MAGI1: variants seen among roughly 807,000 people sequenced by gnomAD.
The protein encoded by MAGI1 is membrane associated guanylate kinase, WW and PDZ domain containing 1.
MAGI1 carries 58 observed loss-of-function variants against 139.9 expected under a neutral mutation model. The observed-to-expected ratio is 0.41, with a 90% CI of 0.34 to 0.52. The LOEUF (loss-of-function observed/expected upper bound fraction) is 0.52, where lower values mean the gene tolerates loss of function less well. Among genes scored for constraint, MAGI1 ranks in the 20% least tolerant of loss-of-function variants. The pLI is 0.12. For missense variants in MAGI1, 1,874 were observed against 1,901.6 expected (o/e 0.99, Z 0.27); for synonymous variants, 812 against 737.9 (o/e 1.10, Z -1.63).
At chr3:65,696,342 C>A (rs891104055) in intron 1 of MAGI1, among the ~76,000 whole-genome samples, 1 of 152,010 alleles carries the variant, frequency 6.6e-6, no homozygotes, top group Non-Finnish European at 1.5e-5. Flanking sequence ...TTTTAATTAT[C>A]TGTTTTCTTC....
At chr3:65,782,363 A>G (rs1420495655) in intron 1 of MAGI1, among the ~76,000 whole-genome samples, 1 of 152,152 alleles carries the variant, frequency 6.6e-6, no homozygotes, top group African/African-American at 2.4e-5. Context: ...GGAAAAGTCA[A>G]GGAAACAGAT....
chr3:65,647,208 T>A (rs2085318091), intron 1 of MAGI1, among the ~76,000 whole-genome samples: 1 of 151,958 alleles, frequency 6.6e-6, no homozygotes. Flanking sequence ...CTTGCATACA[T>A]CAAAGGATAA....
intron 3 of MAGI1, among the ~76,000 whole-genome samples, chr3:65,484,219 A>C (rs1281009452): frequency 6.6e-6 from 1 of 152,184 alleles, no homozygotes; most frequent in Non-Finnish European, 1.5e-5. Flanking sequence ...GGGACAGAGA[A>C]AATCATTCCT....
rs770334832 is a variant in MAGI1, at chr3:65,430,133, C to G, written c.1554G>C (p.Val518=). The G allele has an allele frequency of 3.4e-5, 54 of 1,611,894 alleles. No homozygotes were observed. In the South Asian group the frequency reaches 5.5e-4, roughly 16 times the overall value. ...ALDGKMETGD[V]IVSVNDTCVL... is the part of the protein sequence containing the mutation. ...CACAGGTGTCATTCACACTTACAATCACATCCCCTGTAGAAGGCAAGAGTG... is the reference window on the plus strand; with the variant it reads ...CACAGGTGTCATTCACACTTACAATGACATCCCCTGTAGAAGGCAAGAGTG... The change falls in exon 12 of 23, where the codon GTG becomes GTC. Residue 518 remains valine (V), a synonymous_variant. Transcript: ENST00000402939.
At chr3:65,997,773 C>CCA (rs2066528702) in intron 1 of MAGI1, among the ~76,000 whole-genome samples, 1 of 152,172 alleles carries the variant, frequency 6.6e-6, no homozygotes, top group African/African-American at 2.4e-5. Context: ...TTTTCCCTCT[C>CCA]CACACACACC....
intron 1 of MAGI1, among the ~76,000 whole-genome samples, chr3:65,892,561 C>G (rs562941601): frequency 1.3e-5 from 2 of 152,068 alleles, no homozygotes; most frequent in Non-Finnish European, 2.9e-5. Flanking sequence ...AAGAACTTAC[C>G]TAAAACATTA....
chr3:65,710,785 A>C (rs1285407694), intron 1 of MAGI1, among the ~76,000 whole-genome samples: 1 of 152,230 alleles, frequency 6.6e-6, no homozygotes, highest in Non-Finnish European at 1.5e-5. Context: ...AATGTCTTCC[A>C]GTGTCCAGTT....
chr3:65,715,071 A>C (rs2032059540), intron 1 of MAGI1, among the ~76,000 whole-genome samples: 1 of 152,166 alleles, frequency 6.6e-6, no homozygotes, highest in Non-Finnish European at 1.5e-5. Flanking sequence ...ATACAAAAAA[A>C]GAAGGTGGGA....
chr3:65,894,795 C>T (rs758896564), intron 1 of MAGI1, among the ~76,000 whole-genome samples: 2 of 152,216 alleles, frequency 1.3e-5, no homozygotes, highest in African/African-American at 2.4e-5. Flanking sequence ...CCATCAACTG[C>T]TTTTGAAAAG....
intron 1 of MAGI1, among the ~76,000 whole-genome samples, chr3:65,635,160 G>T (rs533041037): frequency 6.6e-6 from 1 of 152,188 alleles, no homozygotes; most frequent in East Asian, 1.9e-4. Flanking sequence ...CACCTCCCAG[G>T]TCCAGGTGAT....
At chr3:65,375,692 GAC>G (rs925416246) in intron 18 of MAGI1, 51 bp downstream of exon 18, 2 of 1,384,016 alleles carry the variant, frequency 1.4e-6, no homozygotes, top group African/African-American at 2.9e-5. Flanking sequence ...AAAAGACAGA[GAC>G]AGAGAGAGAG....
At chr3:65,964,566 CATT>C (rs1331015319) in intron 1 of MAGI1, among the ~76,000 whole-genome samples, 1 of 152,170 alleles carries the variant, frequency 6.6e-6, no homozygotes, top group Non-Finnish European at 1.5e-5. Flanking sequence ...CATTTGCTCC[CATT>C]CTCATAGCTC....
At chr3:65,988,390 T>G (rs1419228787) in intron 1 of MAGI1, among the ~76,000 whole-genome samples, 2 of 152,164 alleles carry the variant, frequency 1.3e-5, no homozygotes, top group African/African-American at 4.8e-5. Context: ...CTAAGTACAG[T>G]GGCAGATTGG....
intron 2 of MAGI1, among the ~76,000 whole-genome samples, chr3:65,594,708 G>A (rs950598800): frequency 2.6e-5 from 4 of 152,140 alleles, no homozygotes; most frequent in Non-Finnish European, 5.9e-5. Context: ...CAAACATGCT[G>A]AGAAAATGGT....
intron 1 of MAGI1, among the ~76,000 whole-genome samples, chr3:65,833,152 C>A (rs1249215132): frequency 2.0e-5 from 3 of 151,388 alleles, no homozygotes; most frequent in African/African-American, 7.3e-5. Flanking sequence ...GAATCTCACT[C>A]TGTCACCCAG....
chr3:65,771,556 T>C (rs2037956696), intron 1 of MAGI1, among the ~76,000 whole-genome samples: 1 of 152,182 alleles, frequency 6.6e-6, no homozygotes, highest in African/African-American at 2.4e-5. Context: ...GCAATTTGTT[T>C]AAAACTAGCT....
intron 1 of MAGI1, among the ~76,000 whole-genome samples, chr3:65,739,091 C>A (rs763381809): frequency 6.6e-6 from 1 of 152,240 alleles, no homozygotes; most frequent in South Asian, 2.1e-4. Flanking sequence ...GTTTCATCCG[C>A]ACTGAAAATC....
At chr3:65,627,901 T>A (rs2084071369) in intron 1 of MAGI1, among the ~76,000 whole-genome samples, 1 of 152,184 alleles carries the variant, frequency 6.6e-6, no homozygotes. Context: ...GTTTACAGAA[T>A]GTTAAGCATG....
intron 1 of MAGI1, among the ~76,000 whole-genome samples, chr3:65,960,477 C>T (rs1864509): frequency 0.53 from 80,831 of 151,960 alleles, 22,573 homozygotes; most frequent in South Asian, 0.69. Context: ...GACTATAGGG[C>T]GGTTTCTAAT....
Sources: allele counts gnomAD v4.1 joint callset (sites outside exome capture counted in the v4.1 genomes callset), GRCh38; gene constraint gnomAD v4.1.1; transcripts MANE v1.5; gene names NCBI Gene and HGNC (gene_info 2026-07-23, HGNC 2026-07-21).